HACD1: variants seen among roughly 807,000 people sequenced by gnomAD.
The protein encoded by HACD1 is 3-hydroxyacyl-CoA dehydratase 1.
HACD1 carries 41 observed loss-of-function variants against 32.0 expected under a neutral mutation model. The ratio of observed to expected loss-of-function variants is 1.28; its 90% CI spans 1.00 to 1.66. The LOEUF (loss-of-function observed/expected upper bound fraction) is 1.66. Ranked by LOEUF, HACD1 falls within the 40% of genes most tolerant of loss-of-function variation. The pLI, the probability that HACD1 is intolerant of heterozygous loss-of-function variation, is 0.00. For synonymous variants in HACD1, 142 were observed against 139.0 expected (o/e 1.02, Z -0.15); for missense variants, 396 against 380.1 (o/e 1.04, Z -0.35).
Position 17,589,313 on chromosome 10 carries a change from T to G in HACD1, c.*1051A>C, listed in dbSNP as rs1833901071. On this transcript the variant is annotated 3_prime_UTR_variant, in exon 7 of 7. Coordinates refer to ENST00000361271, the MANE Select transcript of HACD1 (RefSeq NM_014241.4). Reference sequence around the variant, plus strand: ...TCACTATTTTTCAGAGACAGGGTCTTGCTCTGTCACCCAGGCTTAAGTACA... The same window carrying G: ...TCACTATTTTTCAGAGACAGGGTCTGGCTCTGTCACCCAGGCTTAAGTACA... 4 of 152,286 alleles carry G rather than the reference T, an allele frequency of 2.6e-5. No individual in the cohort carries two copies. The highest frequency in any genetic ancestry group is 2.6e-4 in the Admixed American group (4 of 15,258). The allele number at this position is 152,286 out of a possible 1,614,324, so 9.4% of individuals were successfully genotyped here. A position where few individuals can be genotyped will look rare whatever the true frequency, so the allele number is the denominator to read the frequency against.
At chr10:17,602,341 G>T (rs1834082280) in intron 4 of HACD1, among the ~76,000 whole-genome samples, 1 of 152,020 alleles carries the variant, frequency 6.6e-6, no homozygotes, top group Non-Finnish European at 1.5e-5. Context: ...AAAGTGCTGG[G>T]ATTACAGGCT....
At chr10:17,604,228 G>A (rs1834112477) in intron 1 of HACD1, among the ~76,000 whole-genome samples, 181 bp from the exon 2 acceptor site, 1 of 152,150 alleles carries the variant, frequency 6.6e-6, no homozygotes, top group Admixed American at 6.5e-5. Context: ...GCTCATGCCT[G>A]TAATCCCCGC....
In HACD1 at chr10:17,617,208, G is replaced by T; in HGVS notation, c.132C>A (p.Asp44Glu). Reference sequence around the variant, plus strand: ...AGGCGCCGCCGTTGGTGCCGTCCTCGTCGCTGGACGCCATGGTGGCCGCGC... The same window carrying T: ...AGGCGCCGCCGTTGGTGCCGTCCTCTTCGCTGGACGCCATGGTGGCCGCGC... ...PRCAATMASS[D>E]EDGTNGGASE... is the part of the protein sequence containing the mutation. The change falls in exon 1 of 7, where the codon GAC becomes GAA. Residue 44 changes from aspartate (D) to glutamate (E), a missense_variant. By Grantham distance (45) the Asp-to-Glu change is conservative (BLOSUM62 2). Transcript: ENST00000361271. The T allele has an allele frequency of 6.7e-7, 1 of 1,495,640 alleles. No homozygotes were observed. The highest frequency in any genetic ancestry group is 1.2e-5 in the South Asian group (1 of 80,390). 92.6% of individuals were successfully genotyped at this position (1,495,640 alleles called of 1,614,324 possible).
intron 4 of HACD1, among the ~76,000 whole-genome samples, chr10:17,602,377 T>C (rs1239452036): frequency 2.6e-5 from 4 of 152,072 alleles, no homozygotes; most frequent in Non-Finnish European, 5.9e-5. Flanking sequence ...GGCCCTGTCA[T>C]GGGTTTAAAA....
At chr10:17,599,211 G>A (rs1226368895) in intron 5 of HACD1, 79 bp downstream of exon 5, 14 of 1,556,426 alleles carry the variant, frequency 9.0e-6, no homozygotes, top group East Asian at 4.5e-5. Flanking sequence ...GCTGAAACAC[G>A]AATTTTAATT....
intron 6 of HACD1, among the ~76,000 whole-genome samples, chr10:17,590,966 C>T (rs545570731): frequency 1.1e-4 from 16 of 152,254 alleles, no homozygotes; most frequent in African/African-American, 3.4e-4. Flanking sequence ...TGAACCACTG[C>T]GCCCGGCCTA....
rs544526254 is a variant in HACD1, at chr10:17,590,259, C to G, written c.*105G>C. ...TGTCTCAAGTTATATTTTAAGAAAC[C>G]ATACAATCCATGATATTTCACAAAG... On this transcript the variant is annotated 3_prime_UTR_variant, in exon 7 of 7. Transcript: ENST00000361271. The G allele has an allele frequency of 6.6e-6, 5 of 758,144 alleles. No homozygotes were observed. Among genetic ancestry groups the G allele is most frequent in the Non-Finnish European group, 8.4e-6 (4 of 476,174 alleles). The allele number at this position is 758,144 out of a possible 1,614,324, so 47.0% of individuals were successfully genotyped here.
intron 1 of HACD1, among the ~76,000 whole-genome samples, chr10:17,612,122 A>C (rs975279642): frequency 2.0e-5 from 3 of 151,650 alleles, no homozygotes; most frequent in Non-Finnish European, 2.9e-5. Flanking sequence ...AAAAAAAAAA[A>C]AAAAAAAACC....
intron 6 of HACD1, among the ~76,000 whole-genome samples, chr10:17,591,293 C>G (rs543689299): frequency 6.6e-6 from 1 of 152,298 alleles, no homozygotes; most frequent in Non-Finnish European, 1.5e-5. Flanking sequence ...GGTTAACCCT[C>G]AGGACCATGG....
chr10:17,608,161 C>T (rs563169329), intron 1 of HACD1, among the ~76,000 whole-genome samples: 9 of 152,152 alleles, frequency 5.9e-5, no homozygotes, highest in Admixed American at 4.6e-4. Context: ...AGGGGTGTAC[C>T]ACCATACCTG....
chr10:17,617,045 C>T lies in HACD1; in HGVS notation c.257+38G>A, dbSNP rs782185047. ...AACCCGGAACCTCCGCGGACCGCGG[C>T]GCGGGGAGGGCCCGAGGGTGCCCCG... On this transcript the variant is annotated intron_variant, in intron 1 of 6. Transcript: ENST00000361271. 8.9e-5 allele frequency: 123 copies of T among 1,387,456 alleles called. No homozygotes were observed. In the African/African-American group the frequency reaches 1.6e-3, roughly 18 times the overall value. The allele number at this position is 1,387,456 out of a possible 1,614,324, so 85.9% of individuals were successfully genotyped here. A position where few individuals can be genotyped will look rare whatever the true frequency, so the allele number is the denominator to read the frequency against.
chr10:17,605,953 C>CA (rs1423333299), intron 1 of HACD1, among the ~76,000 whole-genome samples: 6 of 130,308 alleles, frequency 4.6e-5, no homozygotes, highest in African/African-American at 1.7e-4. Flanking sequence ...GACTCTGTCT[C>CA]AAAAAAAAGA....
chr10:17,601,569 C>T (rs1277243169), intron 4 of HACD1, among the ~76,000 whole-genome samples: 3 of 152,162 alleles, frequency 2.0e-5, no homozygotes, highest in East Asian at 1.9e-4. Flanking sequence ...ACCTCCATCT[C>T]TCTAGTTAAT....
At chr10:17,598,997 A>C (rs972618220) in intron 5 of HACD1, 3 of 290,298 alleles carry the variant, frequency 1.0e-5, no homozygotes, top group Non-Finnish European at 1.7e-5. Context: ...TAATTCCAAA[A>C]ATGTATATTG....
intron 5 of HACD1, among the ~76,000 whole-genome samples, chr10:17,598,794 A>G (rs1834028762): frequency 6.6e-6 from 1 of 152,246 alleles, no homozygotes; most frequent in Non-Finnish European, 1.5e-5. Context: ...CTTCAAATAT[A>G]AATTTTATCC....
intron 1 of HACD1, among the ~76,000 whole-genome samples, chr10:17,614,707 AC>A (rs71393023): frequency 1 from 152,093 of 152,096 alleles, 76,045 homozygotes; most frequent in Middle Eastern, 1. Flanking sequence ...GCTTGGCTTA[AC>A]AAAAGAAAAA....
chr10:17,608,546 G>A (rs1263371281), intron 1 of HACD1, among the ~76,000 whole-genome samples: 2 of 151,836 alleles, frequency 1.3e-5, no homozygotes, highest in Admixed American at 1.3e-4. Context: ...ACCCAGTCTG[G>A]TGTGATTTCA....
intron 5 of HACD1, among the ~76,000 whole-genome samples, chr10:17,598,465 A>G (rs897127251): frequency 1.7e-4 from 26 of 152,166 alleles, no homozygotes; most frequent in Non-Finnish European, 3.5e-4. Flanking sequence ...CTATAATCCC[A>G]GCATTTATCA....
intron 1 of HACD1, among the ~76,000 whole-genome samples, chr10:17,612,656 C>A (rs1833001826): frequency 6.6e-6 from 1 of 151,958 alleles, no homozygotes; most frequent in South Asian, 2.1e-4. Context: ...CGCGGTGGCT[C>A]ATGCCTGTAA....
Sources: gnomAD v4.1 joint callset for allele counts (sites outside exome capture counted in the v4.1 genomes callset) on GRCh38, gnomAD v4.1.1 for gene constraint, MANE v1.5 for transcripts, NCBI Gene and HGNC (gene_info 2026-07-23, HGNC 2026-07-21) for gene names.